DNAH9: variants seen among roughly 807,000 people sequenced by gnomAD.
DNAH9 encodes the protein DNAH9 variant protein.
DNAH9 carries 345 observed loss-of-function variants against 471.6 expected under a neutral mutation model. That is an observed-to-expected ratio of 0.73 (90% CI 0.67 to 0.80). The LOEUF (loss-of-function observed/expected upper bound fraction) is 0.80. Ranked by LOEUF, DNAH9 falls within the 30% of genes least tolerant of loss-of-function variation. The pLI is 0.00. For missense variants in DNAH9, 5,407 were observed against 5,609.2 expected, an observed-to-expected ratio of 0.96 and a Z score of 1.15; for synonymous variants, 2,093 against 2,123.6, an observed-to-expected ratio of 0.99 and a Z score of 0.40.
At chr17:11,685,535 G>A (rs2074226838) in intron 19 of DNAH9, among the ~76,000 whole-genome samples, 1 of 152,166 alleles carries the variant, frequency 6.6e-6, no homozygotes, top group Admixed American at 6.5e-5. Flanking sequence ...TGGGAGAGTG[G>A]TTCCAACAGC....
intron 43 of DNAH9, among the ~76,000 whole-genome samples, chr17:11,798,449 AAAAAAAAAAG>A (rs1278110599): frequency 1.5e-5 from 2 of 136,046 alleles, no homozygotes; most frequent in African/African-American, 5.5e-5. Flanking sequence ...AAAAAAAAAA[AAAAAAAAAAG>A]AGAGAGAGAG....
At chr17:11,820,410 A>G (rs1190565561) in intron 45 of DNAH9, among the ~76,000 whole-genome samples, 1 of 142,074 alleles carries the variant, frequency 7.0e-6, no homozygotes, top group East Asian at 1.9e-4. Context: ...CAATCTGATA[A>G]AAAAAAAATA....
intron 14 of DNAH9, among the ~76,000 whole-genome samples, chr17:11,664,383 C>T (rs926043845): frequency 6.6e-6 from 1 of 152,180 alleles, no homozygotes; most frequent in Non-Finnish European, 1.5e-5. Context: ...AACATTTCAG[C>T]TCATTTCTAA....
chr17:11,738,293 C>T (rs2075380043), intron 28 of DNAH9, among the ~76,000 whole-genome samples: 1 of 152,206 alleles, frequency 6.6e-6, no homozygotes, highest in African/African-American at 2.4e-5. Flanking sequence ...AGAGAGAACC[C>T]ACATTCAGGG....
chr17:11,615,152 T>G (rs566784956), intron 4 of DNAH9, among the ~76,000 whole-genome samples: 2 of 152,302 alleles, frequency 1.3e-5, no homozygotes, highest in South Asian at 4.1e-4. Context: ...GTAGGAATAC[T>G]GGGAATATTT....
Position 11,937,355 on chromosome 17 carries a change from A to G in DNAH9, c.12493A>G (p.Ile4165Val). The part of the protein sequence containing the change: ...NMDYNGYHQY[I>V]DAELPPESPY... ...TGAGCTTGCCCTTGATTTTCAGTAC[A>G]TCGATGCTGAGCTGCCCCCAGAATC... Residue 4165 changes from isoleucine (I) to valine (V), a missense_variant, in exon 66 of 69, where the codon ATC becomes GTC. Ile to Val is a conservative substitution (Grantham distance 29). Coordinates refer to ENST00000262442, the MANE Select transcript of DNAH9 (RefSeq NM_001372.4). This position sits in a 1 kb window ranked among gnomAD's most constrained non-coding sequence, Gnocchi z 4.1. The G allele has an allele frequency of 6.2e-7, 1 of 1,604,172 alleles. No homozygotes were observed. The highest frequency in any genetic ancestry group is 8.5e-7 in the Non-Finnish European group (1 of 1,175,624).
intron 20 of DNAH9, among the ~76,000 whole-genome samples, chr17:11,691,156 G>A (rs1393277734): frequency 1.3e-5 from 2 of 152,096 alleles, no homozygotes; most frequent in East Asian, 1.9e-4. Context: ...ATTAAAGCAC[G>A]TTCTGCCCAA....
At chr17:11,803,858 T>G (rs1486628786) in intron 43 of DNAH9, among the ~76,000 whole-genome samples, 1 of 152,194 alleles carries the variant, frequency 6.6e-6, no homozygotes, top group East Asian at 1.9e-4. Context: ...CCACTAATCC[T>G]TTCCTGCCCC....
chr17:11,860,932 T>C (rs1971822768), intron 50 of DNAH9, among the ~76,000 whole-genome samples: 1 of 152,182 alleles, frequency 6.6e-6, no homozygotes, highest in Non-Finnish European at 1.5e-5. Context: ...TTCCTTTGTG[T>C]ATGCACAGTT....
chr17:11,902,584 A>G (rs1973448469), intron 59 of DNAH9, 135 bp from the exon 60 acceptor site: 1 of 873,504 alleles, frequency 1.1e-6, no homozygotes. Context: ...CTGGGGGATG[A>G]TCCAAAGCTC....
chr17:11,694,726 C>T lies in DNAH9; in HGVS notation c.4872+279C>T, dbSNP rs1164360915. Among the ~76,000 whole-genome samples the T allele has an allele frequency of 1.6e-3, 7 of 4,264 alleles. 2 individuals are homozygous for T. Among genetic ancestry groups the T allele is most frequent in the African/African-American group, 2.1e-3 (7 of 3,306 alleles). The allele number at this position is 4,264 out of a possible 152,430, so 2.8% of individuals were successfully genotyped here. A position where few individuals can be genotyped will look rare whatever the true frequency, so the allele number is the denominator to read the frequency against. ...TCTCTCTCTCTCTCTCTCTCTCTCT[C>T]TTTCTCTTTCTTTCTTTCTTTCTTT... On this transcript the variant is annotated intron_variant, in intron 22 of 68. Coordinates refer to ENST00000262442, the MANE Select transcript of DNAH9 (RefSeq NM_001372.4).
At chr17:11,931,972 A>G in intron 63 of DNAH9, 42 bp from the exon 64 acceptor site, 1 of 1,605,420 alleles carries the variant, frequency 6.2e-7, no homozygotes, top group Non-Finnish European at 8.5e-7. Context: ...CCCGTATAAG[A>G]GAAGTTGTGT....
Position 11,738,914 on chromosome 17 carries a change from A to C in DNAH9, c.5849A>C (p.Lys1950Thr). 3.7e-6 allele frequency: 6 copies of C among 1,614,136 alleles called. No individual in the cohort carries two copies. The highest frequency in any genetic ancestry group is 5.1e-6 in the Non-Finnish European group (6 of 1,179,996). The change falls in exon 29 of 69, where the codon AAG (lysine) becomes ACG (threonine). Residue 1950 changes from lysine (K) to threonine (T), a missense_variant. Coordinates refer to ENST00000262442, the MANE Select transcript of DNAH9 (RefSeq NM_001372.4). The part of the protein sequence containing the change: ...KSIQDAIRDK[K>T]QWFSFLGEEI... ...ATTCAAGATGCGATTAGAGATAAGA[A>C]GCAGTGGTTCAGCTTCCTTGGGGAG...
intron 50 of DNAH9, among the ~76,000 whole-genome samples, chr17:11,854,759 G>C (rs1359699058): frequency 1.3e-5 from 2 of 152,046 alleles, no homozygotes; most frequent in African/African-American, 4.8e-5. Flanking sequence ...CTTTTTACCT[G>C]TTCCCTTCAG....
At chr17:11,863,576 G>T (rs1019198468) in intron 50 of DNAH9, among the ~76,000 whole-genome samples, 1 of 151,866 alleles carries the variant, frequency 6.6e-6, no homozygotes, top group African/African-American at 2.4e-5. Flanking sequence ...CTATTGATTG[G>T]AATAGTTTCT....
In DNAH9 at chr17:11,730,415, CA is replaced by C. The variant is rs554079145; in HGVS notation, c.5814+2494del. ...TGTAAGGATGTAAGCTGAGTGTTGCCAGATCTTTTACGTTTTAAAGAGAGAC... is the reference window on the plus strand; with the variant it reads ...TGTAAGGATGTAAGCTGAGTGTTGCCGATCTTTTACGTTTTAAAGAGAGAC... On this transcript the variant is annotated intron_variant, in intron 28 of 68. Transcript: ENST00000262442. 1.6e-4 allele frequency among the ~76,000 whole-genome samples: 24 copies of C among 152,282 alleles called. No homozygotes were observed. In the East Asian group the frequency reaches 4.6e-3, roughly 29 times the overall value.
chr17:11,869,140 A>G lies in DNAH9; in HGVS notation c.9940A>G (p.Asn3314Asp). Residue 3314 changes from asparagine (N) to aspartate (D), a missense_variant, in exon 51 of 69, where the codon AAT becomes GAT. By Grantham distance (23) the Asn-to-Asp change is conservative. Around this residue, in one of 3 missense-constraint regions of DNAH9, gnomAD observed 4,636 missense variants for 4,900.3 expected, o/e 0.95. Transcript: ENST00000262442. The part of the protein sequence containing the change: ...AAIKAKIAHL[N>D]ENLAKLTARF... ...TGTATTCCTTCCTAAACAGCACCTT[A>G]ATGAAAACCTGGCAAAGCTCACAGC... 6.2e-7 allele frequency: 1 copy of G among 1,613,622 alleles called. No individual in the cohort carries two copies. The highest frequency in any genetic ancestry group is 8.5e-7 in the Non-Finnish European group (1 of 1,179,718).
intron 31 of DNAH9, among the ~76,000 whole-genome samples, chr17:11,746,508 A>T (rs1322751926): frequency 6.6e-6 from 1 of 152,172 alleles, no homozygotes; most frequent in Non-Finnish European, 1.5e-5. Flanking sequence ...TCCCTGCACC[A>T]TGCTGGTTAT....
chr17:11,652,107 A>G (rs921800512), intron 13 of DNAH9, among the ~76,000 whole-genome samples: 6 of 152,176 alleles, frequency 3.9e-5, no homozygotes, highest in African/African-American at 1.4e-4. Flanking sequence ...ATTTAACATG[A>G]TGAAAGTGCT....
Sources: allele counts gnomAD v4.1 joint callset (sites outside exome capture counted in the v4.1 genomes callset), GRCh38; gene constraint gnomAD v4.1.1; regional missense constraint gnomAD v4.1.1; non-coding constraint Gnocchi (gnomAD v3.1); transcripts MANE v1.5; gene names NCBI Gene and HGNC (gene_info 2026-07-23, HGNC 2026-07-21).